Variants in AGBL1 observed in about 807,000 individuals in gnomAD.
AGBL1 encodes AGBL carboxypeptidase 1.
AGBL1 carries 130 observed loss-of-function variants against 118.9 expected under a neutral mutation model. The ratio of observed to expected loss-of-function variants is 1.09; its 90% CI spans 0.95 to 1.26. The LOEUF (loss-of-function observed/expected upper bound fraction) is 1.26. AGBL1 is among the 50% of genes most tolerant of loss of function. The pLI is 0.00. For missense variants in AGBL1, 1,584 were observed against 1,298.1 expected (o/e 1.22, Z -3.38); for synonymous variants, 555 against 478.9 (o/e 1.16, Z -2.08).
chr15:86,930,283 G>A (rs1046625832), intron 23 of AGBL1, among the ~76,000 whole-genome samples: 1 of 152,102 alleles, frequency 6.6e-6, no homozygotes, highest in Non-Finnish European at 1.5e-5. Context: ...TAAAAATCCT[G>A]TCCTACTTTC....
At chr15:86,465,637 T>C (rs757332430) in intron 18 of AGBL1, among the ~76,000 whole-genome samples, 1 of 152,228 alleles carries the variant, frequency 6.6e-6, no homozygotes, top group East Asian at 1.9e-4. Context: ...GTCTGTCTTA[T>C]GCAGTTGTAG....
chr15:87,006,359 C>A (rs188329915), intron 24 of AGBL1, among the ~76,000 whole-genome samples: 5 of 152,122 alleles, frequency 3.3e-5, no homozygotes, highest in Non-Finnish European at 1.5e-5. Flanking sequence ...GCTTCCCTGC[C>A]GCTTTGTTTA....
intron 22 of AGBL1, among the ~76,000 whole-genome samples, chr15:86,838,162 C>T (rs1186350446): frequency 6.6e-6 from 1 of 151,004 alleles, no homozygotes; most frequent in Non-Finnish European, 1.5e-5. Flanking sequence ...CCAAATTAGC[C>T]CTAATTGCTC....
intron 23 of AGBL1, among the ~76,000 whole-genome samples, chr15:86,960,870 G>C (rs1443678943): frequency 6.6e-6 from 1 of 152,022 alleles, no homozygotes; most frequent in African/African-American, 2.4e-5. Flanking sequence ...CTTATATGTA[G>C]AACCTAAAAT....
intron 18 of AGBL1, among the ~76,000 whole-genome samples, chr15:86,475,932 A>G (rs2082552475): frequency 6.6e-6 from 1 of 152,218 alleles, no homozygotes; most frequent in African/African-American, 2.4e-5. Context: ...ACATTCTTAA[A>G]GAAACGAATT....
chr15:86,319,762 T>G (rs1184095113), intron 17 of AGBL1, among the ~76,000 whole-genome samples: 6 of 127,472 alleles, frequency 4.7e-5, no homozygotes, highest in East Asian at 2.3e-4. Flanking sequence ...TTTTTTTTTT[T>G]TTTTTTTTTT....
intron 22 of AGBL1, among the ~76,000 whole-genome samples, chr15:86,851,824 C>T (rs990320775): frequency 2.6e-5 from 4 of 152,110 alleles, no homozygotes; most frequent in African/African-American, 7.2e-5. Flanking sequence ...CCACGAGTTG[C>T]TGGAATGGCC....
At chr15:86,283,079 AAAAG>A (rs1474766607) in intron 16 of AGBL1, among the ~76,000 whole-genome samples, 1 of 152,330 alleles carries the variant, frequency 6.6e-6, no homozygotes, top group African/African-American at 2.4e-5. Context: ...AAATATAGCT[AAAAG>A]AAAGAAATAT....
At chr15:86,970,560 A>G (rs1380487848) in intron 23 of AGBL1, among the ~76,000 whole-genome samples, 1 of 151,994 alleles carries the variant, frequency 6.6e-6, no homozygotes, top group Admixed American at 6.6e-5. Context: ...ACGCAGGCCT[A>G]TTACAAATTG....
At chr15:86,622,261 C>T (rs902754494) in intron 21 of AGBL1, among the ~76,000 whole-genome samples, 5 of 146,646 alleles carry the variant, frequency 3.4e-5, no homozygotes, top group Non-Finnish European at 5.9e-5. Context: ...ACCAGGAAGG[C>T]GGAGGTTGCA....
At chr15:86,901,435 G>T (rs2080210659) in intron 22 of AGBL1, among the ~76,000 whole-genome samples, 1 of 151,722 alleles carries the variant, frequency 6.6e-6, no homozygotes, top group African/African-American at 2.4e-5. Context: ...TGCTCTATTT[G>T]AAAAAAACCC....
chr15:86,960,888 C>T (rs2080986025), intron 23 of AGBL1, among the ~76,000 whole-genome samples: 2 of 151,962 alleles, frequency 1.3e-5, no homozygotes, highest in South Asian at 2.1e-4. Flanking sequence ...AATAGTCAAA[C>T]TCATAGGAAC....
intron 16 of AGBL1, among the ~76,000 whole-genome samples, chr15:86,284,275 A>AT (rs34159204): frequency 7.4e-6 from 1 of 134,496 alleles, no homozygotes; most frequent in Non-Finnish European, 1.6e-5. Context: ...GATTATGATT[A>AT]TTTTTTTCTT....
At chr15:86,372,806 G>C (rs941407615) in intron 17 of AGBL1, among the ~76,000 whole-genome samples, 3 of 152,214 alleles carry the variant, frequency 2.0e-5, no homozygotes, top group African/African-American at 7.2e-5. Flanking sequence ...AAGACAAGGG[G>C]TAGGGCCTAT....
intron 13 of AGBL1, among the ~76,000 whole-genome samples, chr15:86,268,260 TA>T (rs1168782326): frequency 6.6e-6 from 1 of 152,018 alleles, no homozygotes; most frequent in African/African-American, 2.4e-5. Flanking sequence ...GCCCAACAAA[TA>T]AAACAGAGAC....
chr15:86,340,638 T>C (rs2080447233), intron 17 of AGBL1, among the ~76,000 whole-genome samples: 1 of 152,152 alleles, frequency 6.6e-6, no homozygotes, highest in Non-Finnish European at 1.5e-5. Flanking sequence ...CCTCCAGAAG[T>C]GTGACTGAAT....
downstream of AGBL1, among the ~76,000 whole-genome samples, chr15:86,921,004 G>C (rs553789812): frequency 6.6e-6 from 1 of 152,262 alleles, no homozygotes; most frequent in Non-Finnish European, 1.5e-5. Flanking sequence ...CAAGCAAGGA[G>C]AACTGGGCAG....
intron 6 of AGBL1, among the ~76,000 whole-genome samples, chr15:86,232,541 A>G (rs757239085): frequency 6.6e-6 from 1 of 152,150 alleles, no homozygotes; most frequent in Non-Finnish European, 1.5e-5. Flanking sequence ...TTGCTAAGCC[A>G]TTATTTAAGG....
At chr15:86,970,798 T>A (rs2081100439) in intron 23 of AGBL1, among the ~76,000 whole-genome samples, 1 of 151,992 alleles carries the variant, frequency 6.6e-6, no homozygotes, top group Non-Finnish European at 1.5e-5. Flanking sequence ...TGCAGAATAG[T>A]GTACAATTGG....
Sources: gnomAD v4.1 joint callset for allele counts (sites outside exome capture counted in the v4.1 genomes callset) on GRCh38, gnomAD v4.1.1 for gene constraint, MANE v1.5 for transcripts, NCBI Gene and HGNC (gene_info 2026-07-23, HGNC 2026-07-21) for gene names.